Variants in ETV1 observed in about 807,000 individuals in gnomAD.
ETV1 encodes ETS translocation variant 1.
In ETV1, 27 loss-of-function variants were observed where a neutral mutation model predicts 62.3. That is an observed-to-expected ratio of 0.43 (90% confidence interval 0.32 to 0.60). ETV1 has a LOEUF of 0.60. Among genes scored for constraint, ETV1 ranks in the 20% least tolerant of loss-of-function variants. ETV1 has a pLI of 0.06. For synonymous variants in ETV1, 222 were observed against 199.6 expected (o/e 1.11, Z -0.94); for missense variants, 605 against 605.8 (o/e 1.00, Z 0.01).
intron 5 of ETV1, among the ~76,000 whole-genome samples, chr7:13,979,434 A>C (rs1382075335): frequency 6.6e-6 from 1 of 151,912 alleles, no homozygotes; most frequent in East Asian, 1.9e-4. Context: ...CTCAGCTATT[A>C]ACACAACATA....
chr7:13,899,074 G>A lies in ETV1; in HGVS notation c.1212+1664C>T, dbSNP rs372620857. Reference sequence around the variant, plus strand: ...TGTTCAAGAATGTAATCTGGTGAGAGGCTAGCATTCAAACCTAATTCCTGA... The same window carrying A: ...TGTTCAAGAATGTAATCTGGTGAGAAGCTAGCATTCAAACCTAATTCCTGA... On this transcript the variant is annotated intron_variant, in intron 13 of 13. Transcript: ENST00000430479. Among the ~76,000 whole-genome samples, 59 of 152,290 alleles carry A rather than the reference G, an allele frequency of 3.9e-4. 1 individual carries two copies. The highest frequency in any genetic ancestry group is 1.4e-3 in the African/African-American group (57 of 41,568).
intron 5 of ETV1, among the ~76,000 whole-genome samples, chr7:13,978,398 A>AACAC (rs10554441): frequency 1.3e-5 from 2 of 150,678 alleles, no homozygotes; most frequent in Admixed American, 6.6e-5. Context: ...AATACATGCA[A>AACAC]ACACACACAC....
chr7:13,957,361 C>T (rs1789607382), intron 6 of ETV1, among the ~76,000 whole-genome samples: 1 of 152,168 alleles, frequency 6.6e-6, no homozygotes, highest in Non-Finnish European at 1.5e-5. Flanking sequence ...GCTGGGATTA[C>T]AGGCCTAAGG....
chr7:13,978,974 C>G lies in ETV1; in HGVS notation c.182-1494G>C, dbSNP rs74643090. On this transcript the variant is annotated intron_variant, in intron 5 of 13. Coordinates refer to ENST00000430479, the MANE Select transcript of ETV1 (RefSeq NM_004956.5). The stretch of plus-strand genomic sequence containing the variant: ...ACCCCCGCTACCAAACAAAATCAAA[C>G]AAATTAATAATTTTTTCAAGTTTTA... Among the ~76,000 whole-genome samples the G allele has an allele frequency of 7.3e-4, 111 of 152,112 alleles. 2 individuals are homozygous for G. In the East Asian group the frequency reaches 0.02, roughly 27 times the overall value.
At chr7:13,913,581 T>C (rs1338877413) in intron 9 of ETV1, among the ~76,000 whole-genome samples, 2 of 152,188 alleles carry the variant, frequency 1.3e-5, no homozygotes, top group Admixed American at 1.3e-4. Flanking sequence ...TGGGACTTAT[T>C]ATTAATAACA....
rs1474254621 is a variant in ETV1, at chr7:13,923,806, GCGGATCAC to G, written c.802+7688_802+7695del. Among the ~76,000 whole-genome samples the G allele has an allele frequency of 2.0e-5, 3 of 152,128 alleles. No homozygotes were observed. The East Asian group carries it at 5.8e-4, about 29-fold the overall frequency. ...CCAGCATTCTGGGAGGCTGAGGCGG[GCGGATCAC>G]CTAAGGTCGGAAGTTTGAGACCAGC... On this transcript the variant is annotated intron_variant, in intron 9 of 13. Transcript: ENST00000430479.
rs1781430781 is a variant in ETV1 at position 13,892,215 on chromosome 7, AGACCACTGATT to A, written c.*3640_*3650del. 2 of 232,560 alleles carry A rather than the reference AGACCACTGATT, an allele frequency of 8.6e-6. No homozygotes were observed. Among genetic ancestry groups the A allele is most frequent in the South Asian group, 3.6e-4 (2 of 5,530 alleles). 14.4% of individuals were successfully genotyped at this position (232,560 alleles called of 1,614,324 possible). ...TGTATTAAAAAATAAAATCTGGATTAGACCACTGATTTAACTGTTATTACTATTATTATCAT... is the reference window on the plus strand; with the variant it reads ...TGTATTAAAAAATAAAATCTGGATTATAACTGTTATTACTATTATTATCAT... On this transcript the variant is annotated 3_prime_UTR_variant, in exon 14 of 14. Transcript: ENST00000430479.
chr7:13,977,527 A>C (rs1385617973), intron 5 of ETV1, 47 bp from the exon 6 acceptor site: 3 of 1,297,950 alleles, frequency 2.3e-6, no homozygotes, highest in Non-Finnish European at 3.2e-6. Context: ...AGAAACTGCC[A>C]AAAGCATAAG....
At chr7:13,930,887 G>T (rs1040039024) in intron 9 of ETV1, among the ~76,000 whole-genome samples, 4 of 151,148 alleles carry the variant, frequency 2.6e-5, no homozygotes, top group African/African-American at 4.9e-5. Flanking sequence ...TGCAACCTCT[G>T]CCTCCCGGGT....
At position 13,956,193 on chromosome 7, in the gene ETV1, T is replaced by C. The variant is rs757701; in HGVS notation, c.236-16947A>G. ...AGTATTCACTAATTACATACACTTG[T>C]AACCTAAGAAATGTTCTTAATTTTC... On this transcript the variant is annotated intron_variant, in intron 6 of 13. Coordinates refer to ENST00000430479, the MANE Select transcript of ETV1 (RefSeq NM_004956.5). Among the ~76,000 whole-genome samples the C allele has an allele frequency of 6.5e-3, 997 of 152,338 alleles. 14 individuals carry two copies. Among genetic ancestry groups the C allele is most frequent in the African/African-American group, 0.023 (951 of 41,582 alleles).
intron 9 of ETV1, among the ~76,000 whole-genome samples, chr7:13,927,101 G>T (rs1430805314): frequency 6.6e-6 from 1 of 152,034 alleles, no homozygotes; most frequent in Non-Finnish European, 1.5e-5. Flanking sequence ...AGTTCTAAAG[G>T]TCTTCCGTAA....
intron 13 of ETV1, among the ~76,000 whole-genome samples, chr7:13,898,536 T>C (rs1379929270): frequency 1.3e-5 from 2 of 152,174 alleles, no homozygotes; most frequent in African/African-American, 2.4e-5. Context: ...AAACATACAC[T>C]GTTCCATTGT....
chr7:13,975,576 A>AAG (rs1781361491), intron 6 of ETV1, among the ~76,000 whole-genome samples: 2 of 121,880 alleles, frequency 1.6e-5, no homozygotes, highest in African/African-American at 5.8e-5. Flanking sequence ...AAAAAAAAAA[A>AAG]AAAGAAAAGA....
intron 6 of ETV1, among the ~76,000 whole-genome samples, chr7:13,970,185 C>T (rs530555215): frequency 6.6e-6 from 1 of 151,786 alleles, no homozygotes; most frequent in Non-Finnish European, 1.5e-5. Context: ...GGCGTGAACC[C>T]GGGAGGCGGA....
chr7:13,962,070 A>G (rs116398302), intron 6 of ETV1, among the ~76,000 whole-genome samples: 1,591 of 152,060 alleles, frequency 0.01, 36 homozygotes, highest in African/African-American at 0.037. Context: ...TGTTTTGTGT[A>G]TTTCATATAT....
rs2128396124 is a variant in ETV1 at position 13,893,447 on chromosome 7, T to C, written c.*2419A>G. On this transcript the variant is annotated 3_prime_UTR_variant, in exon 14 of 14. Transcript: ENST00000430479. ...AAATACACTTAATGTTGGTCAATTA[T>C]GTATTTAGTTCAGTGAGTCACTACG... 4.3e-6 allele frequency: 1 copy of C among 230,836 alleles called. No homozygotes were observed. Among genetic ancestry groups the C allele is most frequent in the East Asian group, 6.2e-5 (1 of 16,076 alleles). The allele number at this position is 230,836 out of a possible 1,614,324, so 14.3% of individuals were successfully genotyped here. A position where few individuals can be genotyped will look rare whatever the true frequency, so the allele number is the denominator to read the frequency against.
At chr7:13,906,023 T>C (rs372553630) in intron 12 of ETV1, among the ~76,000 whole-genome samples, 3 of 152,272 alleles carry the variant, frequency 2.0e-5, no homozygotes, top group South Asian at 4.1e-4. Flanking sequence ...CAAATAATGA[T>C]TGCTAATTTG....
intron 4 of ETV1, 38 bp downstream of exon 4, chr7:13,988,048 G>T: frequency 8.3e-7 from 1 of 1,200,150 alleles, no homozygotes; most frequent in Non-Finnish European, 1.2e-6. Context: ...GAGAGTGTAG[G>T]TAAAAAAATG....
Position 13,891,595 on chromosome 7 carries a change from A to C in ETV1, c.*4271T>G, listed in dbSNP as rs1318519087. On this transcript the variant is annotated 3_prime_UTR_variant, in exon 14 of 14. Coordinates refer to ENST00000430479, the MANE Select transcript of ETV1 (RefSeq NM_004956.5). ...ACTGTTTTTTTTTTAAGTATGTCAAAGTGAGTCTCATGTATATAAAAAAAG... is the reference window on the plus strand; with the variant it reads ...ACTGTTTTTTTTTTAAGTATGTCAACGTGAGTCTCATGTATATAAAAAAAG... 4.3e-6 allele frequency: 1 copy of C among 231,738 alleles called. No homozygotes were observed. The highest frequency in any genetic ancestry group is 8.5e-6 in the Non-Finnish European group (1 of 117,294). The allele number at this position is 231,738 out of a possible 1,614,324, so 14.4% of individuals were successfully genotyped here.
Sources: allele counts gnomAD v4.1 joint callset (sites outside exome capture counted in the v4.1 genomes callset), GRCh38; gene constraint gnomAD v4.1.1; transcripts MANE v1.5; gene names NCBI Gene and HGNC (gene_info 2026-07-23, HGNC 2026-07-21).